DEK: variants seen among roughly 807,000 people sequenced by gnomAD.
The protein encoded by DEK is protein DEK.
Under a neutral mutation model 46.8 loss-of-function variants are expected in DEK, and 28 were observed. The ratio of observed to expected loss-of-function variants is 0.60; its 90% confidence interval spans 0.44 to 0.82. The LOEUF is 0.82. Among genes scored for constraint, DEK ranks in the 40% least tolerant of loss-of-function variants. The pLI is 0.00. For missense variants in DEK, 416 were observed against 430.6 expected, an observed-to-expected ratio of 0.97 and a Z score of 0.30; for synonymous variants, 160 against 144.5, an observed-to-expected ratio of 1.11 and a Z score of -0.77.
At chr6:18,233,683 A>G (rs1790510583) in intron 9 of DEK, among the ~76,000 whole-genome samples, 1 of 152,242 alleles carries the variant, frequency 6.6e-6, no homozygotes, top group Non-Finnish European at 1.5e-5. Flanking sequence ...AGATCATCAA[A>G]AAGTCAGGAA....
intron 7 of DEK, among the ~76,000 whole-genome samples, chr6:18,242,493 T>A (rs1202862938): frequency 6.6e-6 from 1 of 152,182 alleles, no homozygotes; most frequent in Non-Finnish European, 1.5e-5. Context: ...AAACAACTCA[T>A]AAATTTAAAA....
chr6:18,264,339 C>CGCGGCAGGG (rs1409580088), intron 1 of DEK, 46 bp downstream of exon 1: 1 of 163,758 alleles, frequency 6.1e-6, no homozygotes, highest in Non-Finnish European at 1.3e-5. Flanking sequence ...CCCCGTCGGC[C>CGCGGCAGGG]GCGGCAGGGG....
rs1790041297 is a variant in DEK at position 18,224,941 on chromosome 6, T to G, written c.*778A>C. On this transcript the variant is annotated 3_prime_UTR_variant, in exon 11 of 11. Coordinates refer to ENST00000652689, the MANE Select transcript of DEK (RefSeq NM_003472.4). Reference sequence around the variant, plus strand: ...CTAAAATTACAAATTGATGACACTTTCGAGGCAAAGCAGGGTAACTGTTCC... The same window carrying G: ...CTAAAATTACAAATTGATGACACTTGCGAGGCAAAGCAGGGTAACTGTTCC... The G allele has an allele frequency of 4.6e-6, 1 of 215,794 alleles. No individual in the cohort carries two copies. Among genetic ancestry groups the G allele is most frequent in the Non-Finnish European group, 9.4e-6 (1 of 106,756 alleles). 13.4% of individuals were successfully genotyped at this position (215,794 alleles called of 1,614,324 possible).
intron 4 of DEK, among the ~76,000 whole-genome samples, chr6:18,256,978 A>G (rs1791621996): frequency 6.6e-6 from 1 of 152,202 alleles, no homozygotes; most frequent in Non-Finnish European, 1.5e-5. Context: ...CTGAAAATAA[A>G]TTATGTCATG....
chr6:18,228,518 C>T (rs865878755), intron 9 of DEK, among the ~76,000 whole-genome samples: 7 of 151,824 alleles, frequency 4.6e-5, no homozygotes, highest in South Asian at 2.1e-4. Context: ...GCTTGTCGGA[C>T]GGTGGGTACA....
At chr6:18,232,235 T>C (rs1790443978) in intron 9 of DEK, among the ~76,000 whole-genome samples, 1 of 152,184 alleles carries the variant, frequency 6.6e-6, no homozygotes, top group African/African-American at 2.4e-5. Context: ...AAGAGCTATT[T>C]ATGACAAACC....
At chr6:18,238,094 C>G (rs1790742613) in intron 7 of DEK, among the ~76,000 whole-genome samples, 1 of 151,908 alleles carries the variant, frequency 6.6e-6, no homozygotes, top group African/African-American at 2.4e-5. Flanking sequence ...GTCTTGAACT[C>G]CTGACCTCAG....
At chr6:18,255,446 T>C (rs1247536359) in intron 6 of DEK, among the ~76,000 whole-genome samples, 1 of 152,202 alleles carries the variant, frequency 6.6e-6, no homozygotes, top group Non-Finnish European at 1.5e-5. Context: ...TTCCAGTGTC[T>C]TCTAGATACC....
chr6:18,239,896 A>G (rs1222288055), intron 7 of DEK, among the ~76,000 whole-genome samples: 1 of 152,214 alleles, frequency 6.6e-6, no homozygotes, highest in Non-Finnish European at 1.5e-5. Flanking sequence ...TACACAGAAT[A>G]CAATAATCAT....
rs186963513 is a variant in DEK, at chr6:18,225,880, C to T, written c.1117-150G>A. 111 of 937,406 alleles carry T rather than the reference C, an allele frequency of 1.2e-4. No individual in the cohort carries two copies. In the African/African-American group the frequency reaches 1.5e-3, roughly 12 times the overall value. The allele number at this position is 937,406 out of a possible 1,614,324, so 58.1% of individuals were successfully genotyped here. ...GCTGATCTTCCCCTCACCTTTGCCT[C>T]GTAGACAGGAACTTCCTCAAGTATT... On this transcript the variant is annotated intron_variant, in intron 10 of 10. Coordinates refer to ENST00000652689, the MANE Select transcript of DEK (RefSeq NM_003472.4).
At chr6:18,226,779 AAGAG>A (rs1181228852) in intron 9 of DEK, among the ~76,000 whole-genome samples, 1 of 152,154 alleles carries the variant, frequency 6.6e-6, no homozygotes, top group Admixed American at 6.5e-5. Context: ...GGGGAAAAGA[AAGAG>A]AGATCAGATG....
At chr6:18,229,403 G>A (rs1486348496) in intron 9 of DEK, among the ~76,000 whole-genome samples, 1 of 152,336 alleles carries the variant, frequency 6.6e-6, no homozygotes, top group East Asian at 1.9e-4. Flanking sequence ...TGAGTTGAGA[G>A]AAGGCTTCAG....
Position 18,260,074 on chromosome 6 carries a change from G to A in DEK, c.146-1669C>T, listed in dbSNP as rs537655184. On this transcript the variant is annotated intron_variant, in intron 2 of 10. Coordinates refer to ENST00000652689, the MANE Select transcript of DEK (RefSeq NM_003472.4). The stretch of plus-strand genomic sequence containing the variant: ...TAATATTGCCTCAGTATCTGTGAGG[G>A]ATTGGTTCCAGGACGCCCCTCAGAT... 3.9e-4 allele frequency among the ~76,000 whole-genome samples: 60 copies of A among 152,252 alleles called. 1 individual carries two copies. In the South Asian group the frequency reaches 0.012, roughly 32 times the overall value.
chr6:18,256,532 G>T, intron 4 of DEK, 77 bp from the exon 5 acceptor site: 1 of 1,229,690 alleles, frequency 8.1e-7, no homozygotes, highest in Non-Finnish European at 1.2e-6. Context: ...CCAATTCAAA[G>T]TCAACATCTT....
At chr6:18,244,154 G>T (rs901324679) in intron 7 of DEK, among the ~76,000 whole-genome samples, 1 of 152,054 alleles carries the variant, frequency 6.6e-6, no homozygotes, top group Non-Finnish European at 1.5e-5. Context: ...AAAATGGGGG[G>T]AAAATTAGGT....
chr6:18,230,755 G>T (rs138910280), intron 9 of DEK, among the ~76,000 whole-genome samples: 3 of 152,040 alleles, frequency 2.0e-5, no homozygotes, highest in Non-Finnish European at 2.9e-5. Context: ...ACAAAGAGAC[G>T]TAGACTCCCA....
At chr6:18,238,524 C>T (rs1324906723) in intron 7 of DEK, among the ~76,000 whole-genome samples, 12 of 151,906 alleles carry the variant, frequency 7.9e-5, no homozygotes, top group Admixed American at 7.9e-4. Flanking sequence ...TGGTGAAACA[C>T]TGTCTCTCCT....
rs747721590 is a variant in DEK, at chr6:18,236,514, T to C, written c.985A>G (p.Ile329Val). ...TTAGCACTGGCCAGTAATTTCTTTATTGTTTCCTTTAACTCTTCATCTGTA... is the reference window on the plus strand; with the variant it reads ...TTAGCACTGGCCAGTAATTTCTTTACTGTTTCCTTTAACTCTTCATCTGTA... ...PPTDEELKET[I>V]KKLLASANLE... Residue 329 changes from isoleucine (I) to valine (V), a missense_variant, in exon 9 of 11, where the codon ATA (isoleucine) becomes GTA (valine). Physicochemically the swap from Ile to Val is conservative, Grantham distance 29. Transcript: ENST00000652689. 5.6e-6 allele frequency: 9 copies of C among 1,606,584 alleles called. No homozygotes were observed. Among genetic ancestry groups the C allele is most frequent in the South Asian group, 5.6e-5 (5 of 89,452 alleles).
intron 9 of DEK, among the ~76,000 whole-genome samples, chr6:18,233,990 T>G (rs1582259818): frequency 6.6e-6 from 1 of 152,076 alleles, no homozygotes; most frequent in Non-Finnish European, 1.5e-5. Context: ...ATATACACCA[T>G]GGAATACTAT....
Sources: allele counts gnomAD v4.1 joint callset (sites outside exome capture counted in the v4.1 genomes callset), GRCh38; gene constraint gnomAD v4.1.1; transcripts MANE v1.5; gene names NCBI Gene and HGNC (gene_info 2026-07-23, HGNC 2026-07-21).